UNC5C: variants seen among roughly 807,000 people sequenced by gnomAD.
The protein encoded by UNC5C is unc-5 netrin receptor C.
A neutral mutation model predicts 99.8 loss-of-function variants in UNC5C; 47 were observed. The ratio of observed to expected loss-of-function variants is 0.47; its 90% CI spans 0.37 to 0.60. The LOEUF (loss-of-function observed/expected upper bound fraction) is 0.60. Among genes scored for constraint, UNC5C ranks in the 20% least tolerant of loss-of-function variants. The probability of loss-of-function intolerance (pLI) is 0.00; values close to 1 mark genes in which losing one functional copy is unlikely to be tolerated. For synonymous variants in UNC5C, 487 were observed against 452.2 expected (o/e 1.08, Z -0.98); for missense variants, 1,062 against 1,165.9 (o/e 0.91, Z 1.30).
chr4:95,543,501 G>A (rs2149496940), intron 1 of UNC5C, among the ~76,000 whole-genome samples: 1 of 152,278 alleles, frequency 6.6e-6, no homozygotes, highest in Non-Finnish European at 1.5e-5. Context: ...GAAAGTTCTG[G>A]TGAATTTTCT....
intron 1 of UNC5C, among the ~76,000 whole-genome samples, chr4:95,467,081 C>A (rs368579182): frequency 1.3e-5 from 2 of 152,136 alleles, no homozygotes; most frequent in Non-Finnish European, 2.9e-5. Context: ...AGGACTGACA[C>A]AACTTGGGAG....
intron 1 of UNC5C, among the ~76,000 whole-genome samples, chr4:95,518,144 G>T (rs1186255400): frequency 1.3e-5 from 2 of 152,118 alleles, no homozygotes; most frequent in African/African-American, 2.4e-5. Flanking sequence ...AGAAGGCCTT[G>T]CTCCATCAGA....
chr4:95,203,701 C>T (rs531673526), intron 11 of UNC5C, among the ~76,000 whole-genome samples: 2 of 152,210 alleles, frequency 1.3e-5, no homozygotes, highest in East Asian at 3.9e-4. Flanking sequence ...TGAGCTGAAG[C>T]GACCCACTTG....
intron 1 of UNC5C, among the ~76,000 whole-genome samples, chr4:95,346,502 C>T (rs932487453): frequency 6.6e-6 from 1 of 151,948 alleles, no homozygotes; most frequent in African/African-American, 2.4e-5. Flanking sequence ...GTCAGTATCC[C>T]TGATATTGAA....
At chr4:95,449,652 TAA>T (rs768750405) in intron 1 of UNC5C, among the ~76,000 whole-genome samples, 45 of 152,300 alleles carry the variant, frequency 3.0e-4, no homozygotes, top group Non-Finnish European at 4.4e-4. Context: ...GAAGCTTGTA[TAA>T]AGAGTGGAAT....
chr4:95,341,486 AAGAAAGAAAGAAGAAAGAGAG>A (rs1743576009), intron 1 of UNC5C, among the ~76,000 whole-genome samples: 1 of 142,888 alleles, frequency 7.0e-6, no homozygotes, highest in Admixed American at 7.4e-5. Context: ...AAGAGAGAGA[AAGAAAGAAAGAAGAAAGAGAG>A]AGAAAGAAAG....
At chr4:95,439,338 A>C (rs1196992194) in intron 1 of UNC5C, among the ~76,000 whole-genome samples, 2 of 152,130 alleles carry the variant, frequency 1.3e-5, no homozygotes, top group Admixed American at 1.3e-4. Flanking sequence ...CTCAAGAGGA[A>C]AAATCTGAAT....
intron 1 of UNC5C, among the ~76,000 whole-genome samples, chr4:95,438,785 G>A (rs893515000): frequency 6.6e-6 from 1 of 152,134 alleles, no homozygotes; most frequent in African/African-American, 2.4e-5. Context: ...AATATTGTGT[G>A]TGCATTCCTA....
rs559450108 is a variant in UNC5C at position 95,217,333 on chromosome 4, G to A, written c.1646-1122C>T. ...GGCCTTCATGTAACTGGTTGAAGATGTTGAGCCACAGACCTCTTGAGAAGG... is the reference window on the plus strand; with the variant it reads ...GGCCTTCATGTAACTGGTTGAAGATATTGAGCCACAGACCTCTTGAGAAGG... On this transcript the variant is annotated intron_variant, in intron 9 of 15. Transcript: ENST00000453304. Among the ~76,000 whole-genome samples the A allele has an allele frequency of 1.1e-4, 16 of 152,290 alleles. No individual in the cohort carries two copies. The East Asian group carries it at 2.9e-3, about 28-fold the overall frequency.
At chr4:95,485,358 A>G (rs1218915444) in intron 1 of UNC5C, among the ~76,000 whole-genome samples, 1 of 151,820 alleles carries the variant, frequency 6.6e-6, no homozygotes, top group Non-Finnish European at 1.5e-5. Flanking sequence ...TTGAAATACC[A>G]CAAGCTATTT....
chr4:95,239,749 G>A (rs918360280), intron 7 of UNC5C, among the ~76,000 whole-genome samples: 4 of 152,148 alleles, frequency 2.6e-5, no homozygotes, highest in African/African-American at 9.7e-5. Flanking sequence ...TCAGTCAAAG[G>A]TGTTTGTATT....
chr4:95,403,220 C>G (rs1231939928), intron 1 of UNC5C, among the ~76,000 whole-genome samples: 1 of 152,158 alleles, frequency 6.6e-6, no homozygotes, highest in Non-Finnish European at 1.5e-5. Context: ...TGAAATAAGC[C>G]TCTGAGTATT....
At chr4:95,193,927 G>A (rs1463955511) in intron 12 of UNC5C, among the ~76,000 whole-genome samples, 1 of 152,022 alleles carries the variant, frequency 6.6e-6, no homozygotes, top group Non-Finnish European at 1.5e-5. Context: ...TTCCCTTCCT[G>A]TGTTCACGCC....
At chr4:95,520,700 G>C (rs1297973281) in intron 1 of UNC5C, among the ~76,000 whole-genome samples, 1 of 148,660 alleles carries the variant, frequency 6.7e-6, no homozygotes, top group Non-Finnish European at 1.5e-5. Flanking sequence ...CCAGGTTCAC[G>C]CCATTCTCCT....
intron 1 of UNC5C, among the ~76,000 whole-genome samples, chr4:95,521,199 CTTT>C (rs59814808): frequency 2.9e-5 from 4 of 138,096 alleles, no homozygotes; most frequent in South Asian, 4.9e-4. Context: ...TCTTCTTCTT[CTTT>C]TTTTTTTCTT....
chr4:95,248,427 T>C (rs1739578352), intron 5 of UNC5C: 1 of 386,326 alleles, frequency 2.6e-6, no homozygotes, highest in African/African-American at 2.1e-5. Context: ...GATTAAGAGT[T>C]ATTTTAATAA....
chr4:95,385,946 G>A (rs1466021946), intron 1 of UNC5C, among the ~76,000 whole-genome samples: 1 of 151,950 alleles, frequency 6.6e-6, no homozygotes, highest in Non-Finnish European at 1.5e-5. Context: ...TGTTTTATAC[G>A]AAGTTAAAAC....
At chr4:95,423,321 C>T (rs773957624) in intron 1 of UNC5C, among the ~76,000 whole-genome samples, 15 of 152,164 alleles carry the variant, frequency 9.9e-5, no homozygotes, top group Non-Finnish European at 2.1e-4. Context: ...GATTATCCAC[C>T]TGTGTTCCCT....
chr4:95,413,414 C>T lies in UNC5C; in HGVS notation c.125-77783G>A, dbSNP rs147033128. ...ATGGTGGGGCCTGGCTGCCAGCAAT[C>T]TCCTACAGAAGGCCAAACTCCCTTT... On this transcript the variant is annotated intron_variant, in intron 1 of 15. Transcript: ENST00000453304. Among the ~76,000 whole-genome samples, 35 of 152,300 alleles carry T rather than the reference C, an allele frequency of 2.3e-4. No individual in the cohort carries two copies. In the East Asian group the frequency reaches 2.9e-3, roughly 13 times the overall value.
Sources: allele counts gnomAD v4.1 joint callset (sites outside exome capture counted in the v4.1 genomes callset), GRCh38; gene constraint gnomAD v4.1.1; transcripts MANE v1.5; gene names NCBI Gene and HGNC (gene_info 2026-07-23, HGNC 2026-07-21).